ZNF585B: variants seen among roughly 807,000 people sequenced by gnomAD.
ZNF585B encodes the protein zinc finger protein 585B.
ZNF585B carries 7 observed loss-of-function variants against 14.0 expected under a neutral mutation model. That is an observed-to-expected ratio of 0.50 (90% CI 0.28 to 0.94). The LOEUF (loss-of-function observed/expected upper bound fraction) is 0.94. ZNF585B is among the 40% of genes least tolerant of loss of function. ZNF585B has a pLI of 0.09. For missense variants in ZNF585B, 750 were observed against 924.4 expected (o/e 0.81, Z 2.45); for synonymous variants, 290 against 317.3 (o/e 0.91, Z 0.91).
rs1406059481 is a variant in ZNF585B at position 37,183,258 on chromosome 19, A to C, written c.*1969T>G. ...TTGAGAAGGGATACAGCCCAGGTAC[A>C]GACTAGAGGTGAAAAAGCCTGGTGT... is the stretch of plus-strand genomic sequence containing the variant. On this transcript the variant is annotated 3_prime_UTR_variant, in exon 5 of 5. Transcript: ENST00000532828. 1 of 152,212 alleles carries C rather than the reference A, an allele frequency of 6.6e-6. No homozygotes were observed. The highest frequency in any genetic ancestry group is 2.4e-5 in the African/African-American group (1 of 41,442). 9.4% of individuals were successfully genotyped at this position (152,212 alleles called of 1,614,324 possible).
intron 2 of ZNF585B, among the ~76,000 whole-genome samples, chr19:37,194,262 T>C (rs1972435702): frequency 6.6e-6 from 1 of 152,098 alleles, no homozygotes; most frequent in African/African-American, 2.4e-5. Context: ...AAATAAAAAA[T>C]CTAATTTGGA....
At position 37,186,777 on chromosome 19, in the gene ZNF585B, T is replaced by G. The variant is rs756024099; in HGVS notation, c.760A>C (p.Lys254Gln). 1 of 1,614,156 alleles carries G rather than the reference T, an allele frequency of 6.2e-7. No homozygotes were observed. The highest frequency in any genetic ancestry group is 1.1e-5 in the South Asian group (1 of 91,080). Residue 254 changes from lysine (K) to glutamine (Q), a missense_variant, in exon 5 of 5, where the codon AAG becomes CAG. By Grantham distance (53) the Lys-to-Gln change is moderately conservative. Transcript: ENST00000532828. ...CTDCGKAFTQ[K>Q]STLKIHQKIH... ...TTCTGATGAATCTTGAGTGTGGACT[T>G]TTGTGTGAACGCTTTGCCACAGTCA...
intron 2 of ZNF585B, among the ~76,000 whole-genome samples, chr19:37,202,173 T>G (rs1353999077): frequency 6.6e-6 from 1 of 152,022 alleles, no homozygotes; most frequent in Non-Finnish European, 1.5e-5. Flanking sequence ...CGCCTAATTT[T>G]TGTATTTTTA....
At chr19:37,209,606 C>T (rs552042670) in intron 1 of ZNF585B, among the ~76,000 whole-genome samples, 79 of 152,124 alleles carry the variant, frequency 5.2e-4, no homozygotes, top group Non-Finnish European at 1.1e-3. Context: ...GAACATATTA[C>T]ACTCTTTTCA....
At position 37,185,036 on chromosome 19, in the gene ZNF585B, G is replaced by A. The variant is rs1234443066; in HGVS notation, c.*191C>T. 1.8e-6 allele frequency: 1 copy of A among 540,822 alleles called. No individual in the cohort carries two copies. Among genetic ancestry groups the A allele is most frequent in the Non-Finnish European group, 3.3e-6 (1 of 307,058 alleles). The allele number at this position is 540,822 out of a possible 1,614,324, so 33.5% of individuals were successfully genotyped here. The stretch of plus-strand genomic sequence containing the variant: ...GAATAATGACCCAAGGTTTACTGGG[G>A]ATGGTGACAATGTAGGAAGGGTCCC... On this transcript the variant is annotated 3_prime_UTR_variant, in exon 5 of 5. Coordinates refer to ENST00000532828, the MANE Select transcript of ZNF585B (RefSeq NM_152279.4).
In ZNF585B at chr19:37,184,671, A is replaced by C. The variant is rs1972311703; in HGVS notation, c.*556T>G. The C allele has an allele frequency of 4.7e-6, 1 of 211,030 alleles. No homozygotes were observed. The highest frequency in any genetic ancestry group is 1.8e-4 in the South Asian group (1 of 5,566). The allele number at this position is 211,030 out of a possible 1,614,324, so 13.1% of individuals were successfully genotyped here. A position where few individuals can be genotyped will look rare whatever the true frequency, so the allele number is the denominator to read the frequency against. ...CGCTCTGAGGTCTGTGTCTGAATACACAGGGAGTTTGTCTTATTGCAGTAT... is the reference window on the plus strand; with the variant it reads ...CGCTCTGAGGTCTGTGTCTGAATACCCAGGGAGTTTGTCTTATTGCAGTAT... On this transcript the variant is annotated 3_prime_UTR_variant, in exon 5 of 5. Coordinates refer to ENST00000532828, the MANE Select transcript of ZNF585B (RefSeq NM_152279.4).
chr19:37,194,782 C>A lies in ZNF585B; in HGVS notation c.73-4632G>T, dbSNP rs113712679. On this transcript the variant is annotated intron_variant, in intron 2 of 4. Transcript: ENST00000532828. ...AACAAACAACAGCAGAATACACATT[C>A]TTTTCAAGAATCATAGAAAAATGAC... Among the ~76,000 whole-genome samples, 1,182 of 152,252 alleles carry A rather than the reference C, an allele frequency of 7.8e-3. 21 individuals are homozygous for A. The highest frequency in any genetic ancestry group is 0.027 in the African/African-American group (1,136 of 41,544).
In ZNF585B at chr19:37,183,514, A is replaced by C. The variant is rs1972283914; in HGVS notation, c.*1713T>G. 1 of 152,214 alleles carries C rather than the reference A, an allele frequency of 6.6e-6. No homozygotes were observed. Among genetic ancestry groups the C allele is most frequent in the Non-Finnish European group, 1.5e-5 (1 of 68,070 alleles). The allele number at this position is 152,214 out of a possible 1,614,324, so 9.4% of individuals were successfully genotyped here. A position where few individuals can be genotyped will look rare whatever the true frequency, so the allele number is the denominator to read the frequency against. The stretch of plus-strand genomic sequence containing the variant: ...AAATACACCAGGCAGCATGGTGGAA[A>C]TTGCTAGGGAGAAGAATAAAGGAGG... On this transcript the variant is annotated 3_prime_UTR_variant, in exon 5 of 5. Transcript: ENST00000532828.
Position 37,186,951 on chromosome 19 carries a change from A to G in ZNF585B, c.586T>C (p.Phe196Leu), listed in dbSNP as rs765209392. The change falls in exon 5 of 5, where the codon TTT (phenylalanine) becomes CTT (leucine). Residue 196 changes from phenylalanine (F) to leucine (L), a missense_variant. Around this residue, in one of 2 missense-constraint regions of ZNF585B, gnomAD observed 517 missense variants for 570.3 expected, o/e 0.91. Transcript: ENST00000532828. ...YKCNECGKSFFQVSSLFRHHR... is the reference protein window; with the variant it reads ...YKCNECGKSFLQVSSLFRHHR... ...TGCCTGAAAAGAGACGATACTTGAA[A>G]AAAGGATTTTCCACATTCATTGCAC... 6.2e-7 allele frequency: 1 copy of G among 1,614,158 alleles called. No individual in the cohort carries two copies. The highest frequency in any genetic ancestry group is 1.1e-5 in the South Asian group (1 of 91,074).
chr19:37,209,772 G>C (rs1972627198), intron 1 of ZNF585B, among the ~76,000 whole-genome samples: 1 of 138,908 alleles, frequency 7.2e-6, no homozygotes, highest in Non-Finnish European at 1.5e-5. Flanking sequence ...CTGGAGTGCA[G>C]TGGCAAGATC....
chr19:37,207,090 G>A lies in ZNF585B; in HGVS notation c.22C>T (p.Pro8Ser), dbSNP rs1167453420. The change falls in exon 2 of 5, where the codon CCC becomes TCC. Residue 8 changes from proline to serine, a missense_variant. Physicochemically the swap from Pro to Ser is moderately conservative, Grantham distance 74. Transcript: ENST00000532828. ...GGAGCCAGGGCTGAGGATTTCTGGG[G>A]TGAGGTCCAACTAGCTGGCATGGCC... MPASWTSPQKSSALAPED... is the reference protein window; with the variant it reads MPASWTSSQKSSALAPED... 2.5e-6 allele frequency: 4 copies of A among 1,614,046 alleles called. No homozygotes were observed. The highest frequency in any genetic ancestry group is 2.2e-5 in the East Asian group (1 of 44,886).
At chr19:37,188,331 A>G (rs938044998) in intron 4 of ZNF585B, among the ~76,000 whole-genome samples, 2 of 152,100 alleles carry the variant, frequency 1.3e-5, no homozygotes, top group African/African-American at 4.8e-5. Context: ...TACTAAAAAT[A>G]CAATGTTAGC....
chr19:37,204,830 T>G (rs1331253749), intron 2 of ZNF585B, among the ~76,000 whole-genome samples: 1 of 151,654 alleles, frequency 6.6e-6, no homozygotes, highest in Non-Finnish European at 1.5e-5. Flanking sequence ...CCCTGCAACC[T>G]CTGCCTCCTA....
chr19:37,184,856 T>C lies in ZNF585B; in HGVS notation c.*371A>G, dbSNP rs1427964077. 7.0e-6 allele frequency: 3 copies of C among 426,270 alleles called. No individual in the cohort carries two copies. The highest frequency in any genetic ancestry group is 4.1e-5 in the African/African-American group (2 of 49,204). The allele number at this position is 426,270 out of a possible 1,614,324, so 26.4% of individuals were successfully genotyped here. ...CATATATATTATGTTGTCTTACCAT[T>C]CAAACTGTTGGCACTATACCTAATC... On this transcript the variant is annotated 3_prime_UTR_variant, in exon 5 of 5. Coordinates refer to ENST00000532828, the MANE Select transcript of ZNF585B (RefSeq NM_152279.4).
chr19:37,206,307 C>T (rs921527412), intron 2 of ZNF585B, among the ~76,000 whole-genome samples: 1 of 151,456 alleles, frequency 6.6e-6, no homozygotes, highest in Non-Finnish European at 1.5e-5. Context: ...CAAAATTAGC[C>T]GAACGAGGTG....
intron 2 of ZNF585B, among the ~76,000 whole-genome samples, chr19:37,202,309 A>C (rs886457329): frequency 6.6e-6 from 1 of 151,976 alleles, no homozygotes; most frequent in Non-Finnish European, 1.5e-5. Context: ...GGCCTCATCT[A>C]CTCTTGAATA....
Position 37,187,015 on chromosome 19 carries a change from G to A in ZNF585B, c.522C>T (p.Ile174=), listed in dbSNP as rs576216292. ...GRAFVQKPEF[I]THQKTHMREK... ...CTCTCATATGGGTTTTCTGATGTGT[G>A]ATGAATTCTGGCTTCTGTACAAAAG... The change falls in exon 5 of 5, where the codon ATC becomes ATT. Residue 174 remains isoleucine, a synonymous_variant. Coordinates refer to ENST00000532828, the MANE Select transcript of ZNF585B (RefSeq NM_152279.4). 1.2e-6 allele frequency: 2 copies of A among 1,613,074 alleles called. No homozygotes were observed. Among genetic ancestry groups the A allele is most frequent in the South Asian group, 1.1e-5 (1 of 90,828 alleles).
Position 37,186,213 on chromosome 19 carries a change from GACC to G in ZNF585B, c.1321_1323del (p.Gly441del). On this transcript the variant is annotated inframe_deletion, in exon 5 of 5. Transcript: ENST00000532828. Reference sequence around the variant, plus strand: ...TTGGAAGTAAACAATTTCCCACAGTGACCACATTTATAAGGTTTCTCTCCAGTA... The same window carrying G: ...TTGGAAGTAAACAATTTCCCACAGTGACATTTATAAGGTTTCTCTCCAGTA... The G allele has an allele frequency of 6.2e-7, 1 of 1,614,022 alleles. No individual in the cohort carries two copies. The highest frequency in any genetic ancestry group is 2.2e-5 in the East Asian group (1 of 44,860).
Position 37,185,198 on chromosome 19 carries a change from C to A in ZNF585B, c.*29G>T. On this transcript the variant is annotated 3_prime_UTR_variant, in exon 5 of 5. Transcript: ENST00000532828. ...CAACAGTGTACAATCAGACCCAACC[C>A]TCAGGGGGGTTTTCTCACACTGTTT... 1 of 1,583,274 alleles carries A rather than the reference C, an allele frequency of 6.3e-7. No individual in the cohort carries two copies.
Sources: gnomAD v4.1 joint callset for allele counts (sites outside exome capture counted in the v4.1 genomes callset) on GRCh38, gnomAD v4.1.1 for gene constraint, gnomAD v4.1.1 regional missense constraint, MANE v1.5 for transcripts, NCBI Gene and HGNC (gene_info 2026-07-23, HGNC 2026-07-21) for gene names.